NELL1: variants seen among roughly 807,000 people sequenced by gnomAD.
NELL1 encodes the protein neural EGFL like 1, also known as protein kinase C-binding protein NELL1.
A neutral mutation model predicts 107.4 loss-of-function variants in NELL1; 76 were observed. The ratio of observed to expected loss-of-function variants is 0.71; its 90% CI spans 0.59 to 0.86. The LOEUF (loss-of-function observed/expected upper bound fraction) is 0.86. NELL1 is among the 40% of genes least tolerant of loss of function. The probability of loss-of-function intolerance (pLI) is 0.00; values close to 1 mark genes in which losing one functional copy is unlikely to be tolerated. For synonymous variants in NELL1, 353 were observed against 341.2 expected (o/e 1.03, Z -0.38); for missense variants, 1,024 against 1,005.5 (o/e 1.02, Z -0.25).
At chr11:21,378,083 G>GT (rs1235019836) in intron 15 of NELL1, among the ~76,000 whole-genome samples, 1 of 151,718 alleles carries the variant, frequency 6.6e-6, no homozygotes, top group Non-Finnish European at 1.5e-5. Context: ...AACCTTTGTC[G>GT]TTTCTTTGTG....
intron 12 of NELL1, among the ~76,000 whole-genome samples, chr11:21,076,351 G>A (rs1590613018): frequency 6.6e-6 from 1 of 152,332 alleles, no homozygotes; most frequent in African/African-American, 2.4e-5. Context: ...ACAAGGTTTG[G>A]GACGTTGTTG....
intron 13 of NELL1, among the ~76,000 whole-genome samples, chr11:21,225,720 C>T (rs1056705472): frequency 3.3e-5 from 5 of 152,034 alleles, no homozygotes; most frequent in Admixed American, 1.3e-4. Context: ...AAGTAATTGT[C>T]GCAGCAATAT....
At chr11:20,809,027 G>T (rs1234570533) in intron 3 of NELL1, among the ~76,000 whole-genome samples, 1 of 152,048 alleles carries the variant, frequency 6.6e-6, no homozygotes, top group Non-Finnish European at 1.5e-5. Context: ...TATTAAATTT[G>T]GTGTTACTGC....
intron 3 of NELL1, among the ~76,000 whole-genome samples, chr11:20,839,053 T>C (rs1254313636): frequency 2.0e-5 from 1 of 49,968 alleles, no homozygotes; most frequent in Non-Finnish European, 5.0e-5. Flanking sequence ...CCTGCTAAAT[T>C]AGCTTATTTT....
chr11:21,190,489 G>A (rs55785587), intron 13 of NELL1, among the ~76,000 whole-genome samples: 8,310 of 151,830 alleles, frequency 0.055, 932 homozygotes, highest in African/African-American at 0.19. Flanking sequence ...AGTTCCAAGG[G>A]ATAGGAACTG....
At chr11:20,936,183 T>C (rs1850721183) in intron 9 of NELL1, among the ~76,000 whole-genome samples, 1 of 152,136 alleles carries the variant, frequency 6.6e-6, no homozygotes, top group African/African-American at 2.4e-5. Flanking sequence ...GGAGCTGGAA[T>C]GGCCCTTCGG....
At chr11:20,928,610 A>G in intron 9 of NELL1, 131 bp downstream of exon 9, 2 of 726,800 alleles carry the variant, frequency 2.8e-6, no homozygotes, top group Admixed American at 2.3e-5. Flanking sequence ...AACATTAAAT[A>G]TATGGTAAGA....
intron 2 of NELL1, among the ~76,000 whole-genome samples, chr11:20,713,593 C>A (rs1166857251): frequency 6.6e-6 from 1 of 152,158 alleles, no homozygotes; most frequent in Admixed American, 6.5e-5. Flanking sequence ...GCCTTGCCCC[C>A]TCCCTGTCTG....
chr11:21,009,383 T>C (rs935696912), intron 12 of NELL1, among the ~76,000 whole-genome samples: 1 of 152,146 alleles, frequency 6.6e-6, no homozygotes, highest in Non-Finnish European at 1.5e-5. Flanking sequence ...GAGGAAAAGA[T>C]GCATTGCTTG....
chr11:21,246,110 T>A (rs578079636), intron 14 of NELL1, among the ~76,000 whole-genome samples: 1 of 152,220 alleles, frequency 6.6e-6, no homozygotes, highest in African/African-American at 2.4e-5. Flanking sequence ...ATGACAGTAA[T>A]AACAGCTAAT....
At chr11:21,404,866 G>A (rs1981410) in intron 15 of NELL1, among the ~76,000 whole-genome samples, 62,379 of 151,840 alleles carry the variant, frequency 0.41, 13,456 homozygotes, top group Middle Eastern at 0.51. Flanking sequence ...GGTCCCAAGG[G>A]GATCAGACTC....
Position 21,534,522 on chromosome 11 carries a change from G to C in NELL1, c.1786+8G>C. On this transcript the variant is annotated splice_region_variant and intron_variant, in intron 16 of 19. Transcript: ENST00000357134. ...CCGGGGAGTCCTGTATTGGTAAGCA[G>C]CTTTCAGGCATGCCCTCCAACTGCT... 6.2e-7 allele frequency: 1 copy of C among 1,613,616 alleles called. No individual in the cohort carries two copies. The highest frequency in any genetic ancestry group is 1.3e-5 in the African/African-American group (1 of 75,022).
At chr11:20,995,947 C>G (rs41329946) in intron 12 of NELL1, among the ~76,000 whole-genome samples, 1 of 152,106 alleles carries the variant, frequency 6.6e-6, no homozygotes, top group Non-Finnish European at 1.5e-5. Context: ...GAAGAATGAA[C>G]GAGATTTGGA....
chr11:21,361,487 T>C (rs1314250794), intron 14 of NELL1, among the ~76,000 whole-genome samples: 1 of 152,102 alleles, frequency 6.6e-6, no homozygotes, highest in African/African-American at 2.4e-5. Context: ...TTGTGATGAA[T>C]TTTCCAGGTG....
intron 4 of NELL1, among the ~76,000 whole-genome samples, chr11:20,866,717 CTT>C (rs2134082008): frequency 6.6e-6 from 1 of 152,316 alleles, no homozygotes; most frequent in African/African-American, 2.4e-5. Context: ...GCAGATGACT[CTT>C]TATCACGTCA....
At chr11:21,022,052 C>A (rs1027633416) in intron 12 of NELL1, among the ~76,000 whole-genome samples, 5 of 151,960 alleles carry the variant, frequency 3.3e-5, no homozygotes, top group Non-Finnish European at 7.4e-5. Context: ...GTTGTGACAA[C>A]CAAAAATATC....
intron 16 of NELL1, among the ~76,000 whole-genome samples, chr11:21,553,781 A>T (rs1856644250): frequency 6.6e-6 from 1 of 151,902 alleles, no homozygotes; most frequent in Non-Finnish European, 1.5e-5. Context: ...TAAGGAAGAT[A>T]GAAAAGATAG....
intron 2 of NELL1, among the ~76,000 whole-genome samples, chr11:20,716,130 C>T (rs778193383): frequency 6.6e-6 from 1 of 152,188 alleles, no homozygotes; most frequent in African/African-American, 2.4e-5. Context: ...GCTAGGCTGG[C>T]TCCAGTCTCA....
At chr11:20,932,979 G>A (rs909592907) in intron 9 of NELL1, among the ~76,000 whole-genome samples, 1 of 152,242 alleles carries the variant, frequency 6.6e-6, no homozygotes, top group Non-Finnish European at 1.5e-5. Flanking sequence ...ATGAAGAGGA[G>A]TTTTCCAAGT....
Sources: gnomAD v4.1 joint callset for allele counts (sites outside exome capture counted in the v4.1 genomes callset) on GRCh38, gnomAD v4.1.1 for gene constraint, MANE v1.5 for transcripts, NCBI Gene and HGNC (gene_info 2026-07-23, HGNC 2026-07-21) for gene names.